The following DCC variants were observed in gnomAD, a reference collection of about 807,000 sequenced individuals.
DCC encodes netrin receptor DCC.
DCC carries 58 observed loss-of-function variants against 172.5 expected under a neutral mutation model. That is an observed-to-expected ratio of 0.34 (90% confidence interval 0.27 to 0.42). DCC has a LOEUF of 0.42. Ranked by LOEUF, DCC falls within the 10% of genes least tolerant of loss-of-function variation. The pLI is 1.00. For missense variants in DCC, 1,740 were observed against 1,791.0 expected (o/e 0.97, Z 0.51); for synonymous variants, 709 against 644.5 (o/e 1.10, Z -1.52).
intron 1 of DCC, among the ~76,000 whole-genome samples, chr18:52,343,902 G>A (rs1001830085): frequency 3.3e-5 from 5 of 151,754 alleles, no homozygotes; most frequent in Non-Finnish European, 7.4e-5. Flanking sequence ...GCTCGGGGTA[G>A]GCTGGCAGTC....
chr18:52,340,925 C>A, intron 1 of DCC, 47 bp downstream of exon 1: 1 of 1,381,308 alleles, frequency 7.2e-7, no homozygotes, highest in East Asian at 2.3e-5. Context: ...TTCCGTACCC[C>A]ACTTCCCTTC....
intron 15 of DCC, among the ~76,000 whole-genome samples, chr18:53,375,616 C>CCT (rs1555660825): frequency 0.14 from 17,324 of 122,990 alleles, 1,416 homozygotes; most frequent in East Asian, 0.31. Context: ...ATATTTAATT[C>CCT]TTTTTTTTTT....
intron 1 of DCC, among the ~76,000 whole-genome samples, chr18:52,656,837 G>A (rs187819282): frequency 1.3e-3 from 202 of 152,026 alleles, no homozygotes; most frequent in Admixed American, 4.3e-3. Flanking sequence ...TCTGAGAGTG[G>A]CATTCTAAAT....
intron 6 of DCC, among the ~76,000 whole-genome samples, chr18:53,065,416 A>G (rs941499032): frequency 1.3e-5 from 2 of 152,312 alleles, no homozygotes; most frequent in African/African-American, 2.4e-5. Context: ...AAAGGAGTTA[A>G]TGTTGCTGTA....
At chr18:52,943,429 A>T (rs2040493490) in intron 5 of DCC, among the ~76,000 whole-genome samples, 1 of 152,200 alleles carries the variant, frequency 6.6e-6, no homozygotes, top group African/African-American at 2.4e-5. Context: ...CAGAAGTAGA[A>T]GGTGACATGG....
chr18:52,651,262 A>C (rs1460325988), intron 1 of DCC, among the ~76,000 whole-genome samples: 1 of 152,172 alleles, frequency 6.6e-6, no homozygotes, highest in African/African-American at 2.4e-5. Flanking sequence ...TCTTGGGCTT[A>C]AGTGATGCTC....
chr18:52,737,123 G>T (rs758877749), intron 1 of DCC, among the ~76,000 whole-genome samples: 18 of 152,132 alleles, frequency 1.2e-4, no homozygotes, highest in Admixed American at 2.0e-4. Flanking sequence ...GTGCTCAGGA[G>T]ACCATGTCTT....
At chr18:52,726,274 G>T (rs536537989) in intron 1 of DCC, among the ~76,000 whole-genome samples, 2 of 152,186 alleles carry the variant, frequency 1.3e-5, no homozygotes, top group Non-Finnish European at 2.9e-5. Context: ...TGCCTCCGGA[G>T]TCTGCAATCT....
At chr18:52,888,093 T>C (rs1310563639) in intron 2 of DCC, among the ~76,000 whole-genome samples, 2 of 152,256 alleles carry the variant, frequency 1.3e-5, no homozygotes, top group Non-Finnish European at 2.9e-5. Context: ...TTTGTTTTAA[T>C]TGGTGATTGA....
intron 1 of DCC, among the ~76,000 whole-genome samples, chr18:52,404,870 A>T (rs1326257127): frequency 1.9e-4 from 26 of 136,014 alleles, no homozygotes; most frequent in African/African-American, 6.7e-4. Context: ...TGTCCATGTG[A>T]TCTCATTGTT....
At chr18:53,459,615 A>G (rs2045526923) in intron 24 of DCC, among the ~76,000 whole-genome samples, 157 bp downstream of exon 24, 1 of 152,184 alleles carries the variant, frequency 6.6e-6, no homozygotes, top group South Asian at 2.1e-4. Flanking sequence ...TGGTTGATTA[A>G]CCAATTATAT....
chr18:53,325,500 AAGT>A lies in DCC; in HGVS notation c.2164+3346_2164+3348del, dbSNP rs1332719794. On this transcript the variant is annotated intron_variant, in intron 14 of 28. Transcript: ENST00000442544. ...CCTGACTCTGAATGAGTCACAACTT[AAGT>A]AGAACCAAAATATAAAGTCACCACT... Among the ~76,000 whole-genome samples, 6 of 152,318 alleles carry A rather than the reference AAGT, an allele frequency of 3.9e-5. No homozygotes were observed. In the East Asian group the frequency reaches 1.2e-3, roughly 29 times the overall value.
At chr18:52,667,688 G>T (rs2035479964) in intron 1 of DCC, among the ~76,000 whole-genome samples, 1 of 152,202 alleles carries the variant, frequency 6.6e-6, no homozygotes, top group Non-Finnish European at 1.5e-5. Flanking sequence ...CTGGCTTTGG[G>T]AGGGTCCAGG....
chr18:52,937,136 G>T (rs1464463094), intron 5 of DCC, among the ~76,000 whole-genome samples: 1 of 152,020 alleles, frequency 6.6e-6, no homozygotes. Context: ...TCCACCCGTG[G>T]TATATGAGTG....
At chr18:52,357,600 T>C (rs1984425539) in intron 1 of DCC, among the ~76,000 whole-genome samples, 1 of 152,116 alleles carries the variant, frequency 6.6e-6, no homozygotes, top group Admixed American at 6.5e-5. Flanking sequence ...GAAGAGTAGA[T>C]AGAGTACAAC....
At chr18:53,421,306 A>C (rs1910634276) in intron 21 of DCC, among the ~76,000 whole-genome samples, 1 of 152,166 alleles carries the variant, frequency 6.6e-6, no homozygotes, top group Non-Finnish European at 1.5e-5. Context: ...AATAGGTGCT[A>C]TGGCGATGAT....
intron 14 of DCC, among the ~76,000 whole-genome samples, chr18:53,331,856 G>T (rs536672634): frequency 6.6e-6 from 1 of 152,286 alleles, no homozygotes; most frequent in African/African-American, 2.4e-5. Flanking sequence ...AATCTTGATG[G>T]TTTTGTTAGG....
chr18:53,520,345 C>T (rs978713695), intron 27 of DCC, among the ~76,000 whole-genome samples: 2 of 152,094 alleles, frequency 1.3e-5, no homozygotes, highest in African/African-American at 4.8e-5. Flanking sequence ...ACTACATTGC[C>T]TTCTCATTTG....
chr18:52,685,809 G>T (rs887481271), intron 1 of DCC, among the ~76,000 whole-genome samples: 7 of 151,996 alleles, frequency 4.6e-5, no homozygotes, highest in Admixed American at 4.6e-4. Context: ...AATTAGAAAA[G>T]CTCCCTGTAT....
Sources: allele counts gnomAD v4.1 joint callset (sites outside exome capture counted in the v4.1 genomes callset), GRCh38; gene constraint gnomAD v4.1.1; transcripts MANE v1.5; gene names NCBI Gene and HGNC (gene_info 2026-07-23, HGNC 2026-07-21).